Variants in LOC400499 observed in about 807,000 individuals in gnomAD.
the LOC400499 span, among the ~76,000 whole-genome samples, chr16:11,495,390 T>C: frequency 6.6e-6 from 1 of 151,254 alleles, no homozygotes; most frequent in Non-Finnish European, 1.5e-5. Context: ...AATCTTTTTT[T>C]TTTTTTTTAA....
At chr16:11,475,532 G>A in the LOC400499 span, 5 of 397,124 alleles carry the variant, frequency 1.3e-5, no homozygotes, top group South Asian at 1.3e-4. Flanking sequence ...TTTTAGGGCA[G>A]GAGAGCAACT....
chr16:11,402,369 G>C, the LOC400499 span: 1 of 386,386 alleles, frequency 2.6e-6, no homozygotes, highest in Non-Finnish European at 4.6e-6. Context: ...CACTGTCCCT[G>C]TGGGAGCCCC....
the LOC400499 span, among the ~76,000 whole-genome samples, chr16:11,509,066 G>C: frequency 3.3e-5 from 5 of 151,998 alleles, no homozygotes; most frequent in African/African-American, 1.2e-4. Context: ...GCAGGGGCTG[G>C]GCAAACAAAC....
chr16:11,428,919 C>G, the LOC400499 span, among the ~76,000 whole-genome samples: 3 of 151,494 alleles, frequency 2.0e-5, no homozygotes, highest in African/African-American at 7.3e-5. Flanking sequence ...TGCTTGCAAT[C>G]TTGCATGGGA....
chr16:11,488,955 C>CAT, the LOC400499 span: 388 of 397,320 alleles, frequency 9.8e-4, 3 homozygotes, highest in African/African-American at 7.2e-3. Flanking sequence ...TCCCGACCCC[C>CAT]ATCCCAGTCC....
At chr16:11,397,321 T>G in the LOC400499 span, among the ~76,000 whole-genome samples, 1 of 152,210 alleles carries the variant, frequency 6.6e-6, no homozygotes, top group South Asian at 2.1e-4. Context: ...GTCGCCAGGC[T>G]GGAGTACAAT....
the LOC400499 span, chr16:11,402,210 C>G: frequency 5.0e-6 from 2 of 399,058 alleles, no homozygotes; most frequent in Admixed American, 8.8e-5. Context: ...CTGAGGTCAG[C>G]AGCTCCAGGC....
the LOC400499 span, chr16:11,500,708 C>G: frequency 5.0e-6 from 2 of 397,390 alleles, no homozygotes; most frequent in African/African-American, 4.1e-5. Context: ...CTACGAGGGG[C>G]TGGCACAAAA....
the LOC400499 span, among the ~76,000 whole-genome samples, chr16:11,413,511 C>T: frequency 3.3e-5 from 5 of 152,264 alleles, no homozygotes; most frequent in East Asian, 9.7e-4. Context: ...AGGACGAGTT[C>T]ATGCCAAGTG....
At chr16:11,502,832 T>G in the LOC400499 span, among the ~76,000 whole-genome samples, 1 of 151,688 alleles carries the variant, frequency 6.6e-6, no homozygotes, top group South Asian at 2.1e-4. Context: ...GCCAGGATGG[T>G]CTCGATCTCC....
the LOC400499 span, among the ~76,000 whole-genome samples, chr16:11,513,784 G>C: frequency 6.6e-6 from 1 of 152,010 alleles, no homozygotes; most frequent in Non-Finnish European, 1.5e-5. Context: ...GTTTTGATGA[G>C]AATTAAATTA....
the LOC400499 span, chr16:11,424,325 CCCTG>C: frequency 2.5e-6 from 1 of 399,636 alleles, no homozygotes; most frequent in Non-Finnish European, 4.4e-6. Flanking sequence ...ACAGGAGCAT[CCCTG>C]CCTCGGAGGG....
At chr16:11,413,196 G>A in the LOC400499 span, among the ~76,000 whole-genome samples, 3 of 152,148 alleles carry the variant, frequency 2.0e-5, no homozygotes, top group African/African-American at 7.2e-5. Flanking sequence ...CCCAGACGTC[G>A]ACAGAGAATG....
the LOC400499 span, among the ~76,000 whole-genome samples, chr16:11,488,447 G>C: frequency 4.6e-5 from 7 of 152,058 alleles, no homozygotes; most frequent in South Asian, 2.1e-4. Flanking sequence ...TTGAGACAGG[G>C]TTTACTCTGT....
the LOC400499 span, among the ~76,000 whole-genome samples, chr16:11,491,232 T>G: frequency 1.3e-5 from 2 of 152,204 alleles, no homozygotes; most frequent in Non-Finnish European, 2.9e-5. Flanking sequence ...TATGGAAAAT[T>G]TTTCAACAAT....
chr16:11,384,317 C>A, the LOC400499 span: 1 of 1,231,276 alleles, frequency 8.1e-7, no homozygotes, highest in Non-Finnish European at 1.0e-6. Flanking sequence ...AGAAGGCCAG[C>A]GGATATGCCT....
the LOC400499 span, chr16:11,460,996 G>C: frequency 6.5e-7 from 1 of 1,535,938 alleles, no homozygotes; most frequent in Non-Finnish European, 8.7e-7. Context: ...CAGGGAGTTG[G>C]TCCAGAGCTG....
At chr16:11,504,440 C>T in the LOC400499 span, among the ~76,000 whole-genome samples, 1 of 151,870 alleles carries the variant, frequency 6.6e-6, no homozygotes, top group Non-Finnish European at 1.5e-5. Flanking sequence ...CTTGCAATCC[C>T]AGCTATTCAG....
chr16:11,513,406 CAA>C, the LOC400499 span, among the ~76,000 whole-genome samples: 1 of 126,938 alleles, frequency 7.9e-6, no homozygotes. Context: ...ACTGTGTCTC[CAA>C]AAAAAAAAAA....
Sources: gnomAD v4.1 joint callset for allele counts (sites outside exome capture counted in the v4.1 genomes callset) on GRCh38, gnomAD v4.1.1 for gene constraint, MANE v1.5 for transcripts.